The following RNF130 variants were observed in gnomAD, a reference collection of about 807,000 sequenced individuals.
RNF130 encodes ring finger protein 130.
In RNF130, 21 loss-of-function variants were observed where a neutral mutation model predicts 44.6. That is an observed-to-expected ratio of 0.47 (90% CI 0.33 to 0.68). The LOEUF (loss-of-function observed/expected upper bound fraction) is 0.68. Among genes scored for constraint, RNF130 ranks in the 30% least tolerant of loss-of-function variants. The pLI, the probability that RNF130 is intolerant of heterozygous loss-of-function variation, is 0.02. For missense variants in RNF130, 479 were observed against 560.6 expected (o/e 0.85, Z 1.47); for synonymous variants, 214 against 210.4 (o/e 1.02, Z -0.15).
intron 7 of RNF130, among the ~76,000 whole-genome samples, chr5:179,943,937 T>C (rs1438281694): frequency 6.6e-6 from 1 of 152,006 alleles, no homozygotes; most frequent in Non-Finnish European, 1.5e-5. Flanking sequence ...TTTACAAAGG[T>C]CCCATGTAAC....
chr5:180,068,475 A>G (rs997432171), intron 1 of RNF130, among the ~76,000 whole-genome samples: 3 of 152,256 alleles, frequency 2.0e-5, no homozygotes, highest in Non-Finnish European at 2.9e-5. Context: ...TGACAAAGAC[A>G]TATTTTTAAA....
intron 7 of RNF130, among the ~76,000 whole-genome samples, chr5:179,936,002 T>C (rs1159790454): frequency 2.0e-5 from 3 of 152,224 alleles, no homozygotes; most frequent in Non-Finnish European, 2.9e-5. Context: ...TACCCACATG[T>C]GTCTCCTTTC....
intron 2 of RNF130, among the ~76,000 whole-genome samples, chr5:180,015,117 T>A (rs1469966548): frequency 6.6e-6 from 1 of 152,150 alleles, no homozygotes; most frequent in Non-Finnish European, 1.5e-5. Flanking sequence ...AGAATACCGA[T>A]TAAAAATCTA....
chr5:180,042,850 A>G (rs1764457511), intron 1 of RNF130, among the ~76,000 whole-genome samples: 1 of 152,260 alleles, frequency 6.6e-6, no homozygotes, highest in African/African-American at 2.4e-5. Flanking sequence ...TGTAGTAAAA[A>G]GCAAACAACA....
intron 7 of RNF130, among the ~76,000 whole-genome samples, chr5:179,948,030 T>A (rs1762070177): frequency 6.6e-6 from 1 of 152,190 alleles, no homozygotes; most frequent in South Asian, 2.1e-4. Context: ...CTGGTCTAAC[T>A]GTCTCCAGGC....
intron 7 of RNF130, among the ~76,000 whole-genome samples, chr5:179,936,031 C>A (rs1286564157): frequency 1.3e-5 from 2 of 152,234 alleles, no homozygotes; most frequent in Non-Finnish European, 2.9e-5. Flanking sequence ...ACTCTTCCTG[C>A]ATCTCCGTGT....
chr5:180,062,648 A>G (rs1354961089), intron 1 of RNF130, among the ~76,000 whole-genome samples: 1 of 152,250 alleles, frequency 6.6e-6, no homozygotes, highest in East Asian at 1.9e-4. Flanking sequence ...TCAGACAAGG[A>G]AAGTGTCTAT....
intron 7 of RNF130, among the ~76,000 whole-genome samples, chr5:179,921,789 G>A (rs1344257645): frequency 1.3e-5 from 2 of 149,110 alleles, no homozygotes; most frequent in Non-Finnish European, 2.9e-5. Context: ...TTGGGAAGGC[G>A]AGGTGGGTGG....
chr5:179,947,038 C>T (rs1465841392), intron 7 of RNF130, among the ~76,000 whole-genome samples: 1 of 152,140 alleles, frequency 6.6e-6, no homozygotes, highest in Non-Finnish European at 1.5e-5. Context: ...GTTGAGTGTG[C>T]ACAAGTGCAC....
At chr5:180,043,241 C>T (rs964161921) in intron 1 of RNF130, among the ~76,000 whole-genome samples, 4 of 152,206 alleles carry the variant, frequency 2.6e-5, no homozygotes, top group African/African-American at 9.6e-5. Flanking sequence ...GGGAGGATCG[C>T]TTGAGCCCAG....
chr5:180,059,432 C>T (rs1405401362), intron 1 of RNF130, among the ~76,000 whole-genome samples: 1 of 152,220 alleles, frequency 6.6e-6, no homozygotes, highest in Non-Finnish European at 1.5e-5. Flanking sequence ...TTTACTTCCC[C>T]CCACCAGACA....
Position 179,955,668 on chromosome 5 carries a change from C to T in RNF130, c.1246G>A (p.Val416Ile). ...TTTTTTCTTCTTCAAAACCATTCTACCCTATGGAATAAAAGGAAAAAAGAG... is the reference window on the plus strand; with the variant it reads ...TTTTTTCTTCTTCAAAACCATTCTATCCTATGGAATAAAAGGAAAAAAGAG... ...RATASLNANE[V>I]EWF The change falls in exon 9 of 9, where the codon GTA becomes ATA. Residue 416 changes from valine to isoleucine, a missense_variant and splice_region_variant. Val to Ile is a conservative substitution (Grantham distance 29). Transcript: ENST00000521389. 1.9e-6 allele frequency: 3 copies of T among 1,581,462 alleles called. No individual in the cohort carries two copies. The highest frequency in any genetic ancestry group is 1.7e-4 in the Middle Eastern group (1 of 5,900).
intron 3 of RNF130, among the ~76,000 whole-genome samples, chr5:179,990,617 G>T (rs1434063804): frequency 2.0e-5 from 3 of 152,284 alleles, no homozygotes; most frequent in Non-Finnish European, 4.4e-5. Flanking sequence ...GGTCTGCTAA[G>T]TAGCGGGTAC....
chr5:180,055,715 T>A (rs555544369), intron 1 of RNF130, among the ~76,000 whole-genome samples: 22 of 152,284 alleles, frequency 1.4e-4, no homozygotes, highest in South Asian at 8.3e-4. Flanking sequence ...TGCCTTTTTT[T>A]AAAAACCCCA....
intron 2 of RNF130, among the ~76,000 whole-genome samples, chr5:180,015,054 T>C (rs568453543): frequency 6.6e-5 from 10 of 152,332 alleles, no homozygotes; most frequent in African/African-American, 2.4e-4. Flanking sequence ...ATATACCTTT[T>C]TACTACCTTA....
chr5:179,961,912 A>G (rs1018295200), intron 8 of RNF130, among the ~76,000 whole-genome samples: 2 of 152,198 alleles, frequency 1.3e-5, no homozygotes, highest in African/African-American at 4.8e-5. Flanking sequence ...ACATTTATTG[A>G]GCACTTCTTA....
chr5:179,925,563 G>A (rs1761696107), intron 7 of RNF130, among the ~76,000 whole-genome samples: 1 of 152,082 alleles, frequency 6.6e-6, no homozygotes, highest in East Asian at 1.9e-4. Context: ...CTCTCACTCT[G>A]TTGCCCAAGC....
At chr5:179,946,031 A>G (rs1762032676) in intron 7 of RNF130, among the ~76,000 whole-genome samples, 1 of 152,222 alleles carries the variant, frequency 6.6e-6, no homozygotes, top group East Asian at 1.9e-4. Context: ...AGCAAGTCTC[A>G]GTTCCCCTGT....
In RNF130 at chr5:179,977,850, G is replaced by A. The variant is rs1172696978; in HGVS notation, c.848+353C>T. ...GCCTGGGGTGACAGAGCGAGACTCC[G>A]TCTCAAAAAATAAATAAATAAATAA... is the stretch of plus-strand genomic sequence containing the variant. On this transcript the variant is annotated intron_variant, in intron 5 of 8. Transcript: ENST00000521389. This position sits in a 1 kb window ranked among gnomAD's most constrained non-coding sequence, Gnocchi z 4.1. Among the ~76,000 whole-genome samples, 3 of 152,046 alleles carry A rather than the reference G, an allele frequency of 2.0e-5. No homozygotes were observed. The highest frequency in any genetic ancestry group is 2.9e-5 in the Non-Finnish European group (2 of 68,020).
Sources: allele counts gnomAD v4.1 joint callset (sites outside exome capture counted in the v4.1 genomes callset), GRCh38; gene constraint gnomAD v4.1.1; non-coding constraint Gnocchi (gnomAD v3.1); transcripts MANE v1.5; gene names NCBI Gene and HGNC (gene_info 2026-07-23, HGNC 2026-07-21).